KCNJ16: variants seen among roughly 807,000 people sequenced by gnomAD.
KCNJ16 encodes the protein potassium inwardly rectifying channel subfamily J member 16, also known as inward rectifier potassium channel 16.
KCNJ16 carries 15 observed loss-of-function variants against 18.5 expected under a neutral mutation model. The observed-to-expected ratio is 0.81, with a 90% confidence interval of 0.54 to 1.25. The LOEUF (loss-of-function observed/expected upper bound fraction) is 1.25. Ranked by LOEUF, KCNJ16 falls within the 50% of genes most tolerant of loss-of-function variation. The pLI is 0.00. For synonymous variants in KCNJ16, 174 were observed against 186.5 expected, an observed-to-expected ratio of 0.93 and a Z score of 0.55; for missense variants, 523 against 525.7, an observed-to-expected ratio of 0.99 and a Z score of 0.05.
intron 2 of KCNJ16, among the ~76,000 whole-genome samples, chr17:70,111,067 T>C (rs1482046638): frequency 6.6e-6 from 1 of 152,138 alleles, no homozygotes; most frequent in East Asian, 1.9e-4. Context: ...TGTCTGGAGT[T>C]GCAGGGAATA....
In KCNJ16 at chr17:70,122,315, G is replaced by C. The variant is rs561076424; in HGVS notation, c.-190-8564G>C. Among the ~76,000 whole-genome samples the C allele has an allele frequency of 6.3e-4, 96 of 151,280 alleles. 1 individual carries two copies. The highest frequency in any genetic ancestry group is 2.3e-3 in the African/African-American group (94 of 40,896). On this transcript the variant is annotated intron_variant, in intron 2 of 3. Transcript: ENST00000392671. ...AGTCTCCCAAGTAGCTGGGATTACA[G>C]GCACCCGCCACCACGCCCAGCTAAT... is the stretch of plus-strand genomic sequence containing the variant.
chr17:70,103,557 CTTAG>C (rs1251944785), intron 2 of KCNJ16, among the ~76,000 whole-genome samples: 1 of 151,956 alleles, frequency 6.6e-6, no homozygotes, highest in Non-Finnish European at 1.5e-5. Flanking sequence ...TCTCAGTCTT[CTTAG>C]TTATAGCCTC....
intron 2 of KCNJ16, among the ~76,000 whole-genome samples, chr17:70,107,211 T>G (rs2072971953): frequency 6.6e-6 from 1 of 152,272 alleles, no homozygotes; most frequent in East Asian, 1.9e-4. Flanking sequence ...GGAGACGAGA[T>G]TCAAACAGAA....
intron 1 of KCNJ16, among the ~76,000 whole-genome samples, chr17:70,087,745 T>C (rs1423686082): frequency 6.6e-6 from 1 of 151,666 alleles, no homozygotes; most frequent in Non-Finnish European, 1.5e-5. Context: ...TGTGACGATG[T>C]AAAAGGCTTA....
At chr17:70,083,354 T>TGTAC (rs61296926) in intron 1 of KCNJ16, among the ~76,000 whole-genome samples, 1 of 1,906 alleles carries the variant, frequency 5.2e-4, no homozygotes. Context: ...CTGTATTGTG[T>TGTAC]GTATGTATGT....
intron 2 of KCNJ16, among the ~76,000 whole-genome samples, chr17:70,114,892 T>C (rs2073342671): frequency 6.6e-6 from 1 of 152,160 alleles, no homozygotes; most frequent in South Asian, 2.1e-4. Context: ...ACTGTAGTCA[T>C]AGCTACATGC....
chr17:70,131,862 A>G (rs1418634386), intron 3 of KCNJ16, 133 bp from the exon 4 acceptor site: 2 of 749,000 alleles, frequency 2.7e-6, no homozygotes, highest in African/African-American at 3.5e-5. Context: ...TGAGTAATCA[A>G]TACTGTGCAC....
chr17:70,111,746 G>GT (rs1431916825), intron 2 of KCNJ16, among the ~76,000 whole-genome samples: 1 of 152,008 alleles, frequency 6.6e-6, no homozygotes, highest in African/African-American at 2.4e-5. Flanking sequence ...TCCCATGGTA[G>GT]TAAGTCTCAC....
At position 70,132,456 on chromosome 17, in the gene KCNJ16, G is replaced by A; in HGVS notation, c.369G>A (p.Leu123=). The A allele has an allele frequency of 6.2e-7, 1 of 1,614,008 alleles. No homozygotes were observed. The highest frequency in any genetic ancestry group is 8.5e-7 in the Non-Finnish European group (1 of 1,180,006). ...DNVHSFTGAF[L]FSLETQTTIG... is the part of the protein sequence containing the mutation. ...TCCATTCTTTCACAGGGGCCTTTTT[G>A]TTCTCCCTAGAGACCCAAACCACCA... is the stretch of plus-strand genomic sequence containing the variant. The change falls in exon 4 of 4, where the codon TTG becomes TTA. Residue 123 remains leucine, a synonymous_variant. Coordinates refer to ENST00000392671, the MANE Select transcript of KCNJ16 (RefSeq NM_170741.4).
At chr17:70,130,754 A>G in intron 2 of KCNJ16, 125 bp from the exon 3 acceptor site, 6 of 579,310 alleles carry the variant, frequency 1.0e-5, no homozygotes, top group Admixed American at 5.9e-5. Context: ...AGGATTCCCT[A>G]AAGTCCCCCG....
rs1381866104 is a variant in KCNJ16 at position 70,132,084 on chromosome 17, A to G, written c.-4A>G. 2.5e-6 allele frequency: 4 copies of G among 1,614,066 alleles called. No individual in the cohort carries two copies. In the East Asian group the frequency reaches 8.9e-5, roughly 36 times the overall value. ...CACCTGGATCCCTAAGGGCACAGCA[A>G]AGAATGAGCTATTACGGCAGCAGCT... On this transcript the variant is annotated 5_prime_UTR_variant, in exon 4 of 4. Transcript: ENST00000392671.
At chr17:70,126,122 A>G (rs1012722291) in intron 2 of KCNJ16, among the ~76,000 whole-genome samples, 3 of 152,170 alleles carry the variant, frequency 2.0e-5, no homozygotes, top group South Asian at 2.1e-4. Context: ...CTTTTGACAA[A>G]TAATTGTTAA....
At chr17:70,097,414 A>C (rs2143794618) in intron 1 of KCNJ16, among the ~76,000 whole-genome samples, 1 of 152,292 alleles carries the variant, frequency 6.6e-6, no homozygotes, top group Non-Finnish European at 1.5e-5. Context: ...TAAATCAAAA[A>C]GTGTTTATAT....
At chr17:70,103,340 A>T (rs796897491) in intron 2 of KCNJ16, among the ~76,000 whole-genome samples, 141 of 64,506 alleles carry the variant, frequency 2.2e-3, no homozygotes, top group Middle Eastern at 7.9e-3. Flanking sequence ...ATATATATAT[A>T]TTTTTTTGTC....
At chr17:70,089,950 G>A (rs535444067) in intron 1 of KCNJ16, among the ~76,000 whole-genome samples, 1 of 152,292 alleles carries the variant, frequency 6.6e-6, no homozygotes, top group East Asian at 1.9e-4. Context: ...TTTGAAAGAG[G>A]GGATCTCGAC....
chr17:70,135,199 A>G lies in KCNJ16; in HGVS notation c.*1855A>G, dbSNP rs1598197645. ...GCTTGAGGAATGCACACTCCATTTA[A>G]AAAATTGTGCGCTCTGTAGATTTGG... On this transcript the variant is annotated 3_prime_UTR_variant, in exon 4 of 4. Coordinates refer to ENST00000392671, the MANE Select transcript of KCNJ16 (RefSeq NM_170741.4). 6.0e-6 allele frequency: 1 copy of G among 166,874 alleles called. No homozygotes were observed. Among genetic ancestry groups the G allele is most frequent in the Non-Finnish European group, 1.5e-5 (1 of 68,100 alleles). The allele number at this position is 166,874 out of a possible 1,614,324, so 10.3% of individuals were successfully genotyped here.
At chr17:70,077,259 A>C (rs1406312582) in intron 1 of KCNJ16, among the ~76,000 whole-genome samples, 1 of 152,200 alleles carries the variant, frequency 6.6e-6, no homozygotes, top group Non-Finnish European at 1.5e-5. Context: ...GTGTCAGAGA[A>C]GGTTTTTGAG....
intron 2 of KCNJ16, among the ~76,000 whole-genome samples, chr17:70,103,004 G>A (rs1369521174): frequency 6.6e-6 from 1 of 150,572 alleles, no homozygotes; most frequent in Non-Finnish European, 1.5e-5. Flanking sequence ...GCATGACCAG[G>A]GCTCACTGTA....
At chr17:70,123,042 T>C (rs117646395) in intron 2 of KCNJ16, among the ~76,000 whole-genome samples, 1 of 152,226 alleles carries the variant, frequency 6.6e-6, no homozygotes, top group Non-Finnish European at 1.5e-5. Context: ...GATTTTCCAA[T>C]GGACAGCCGG....
Sources: gnomAD v4.1 joint callset for allele counts (sites outside exome capture counted in the v4.1 genomes callset) on GRCh38, gnomAD v4.1.1 for gene constraint, MANE v1.5 for transcripts, NCBI Gene and HGNC (gene_info 2026-07-23, HGNC 2026-07-21) for gene names.